Variants in NRF1 observed in about 807,000 individuals in gnomAD.
NRF1 encodes the protein alpha palindromic-binding protein.
NRF1 carries 5 observed loss-of-function variants against 58.5 expected under a neutral mutation model. The observed-to-expected ratio is 0.09, with a 90% CI of 0.04 to 0.18. The LOEUF (loss-of-function observed/expected upper bound fraction) is 0.18. Among genes scored for constraint, NRF1 ranks in the 10% least tolerant of loss-of-function variants. The pLI, the probability that NRF1 is intolerant of heterozygous loss-of-function variation, is 1.00. For missense variants in NRF1, 288 were observed against 657.7 expected (o/e 0.44, Z 6.15); for synonymous variants, 224 against 246.7 (o/e 0.91, Z 0.86).
chr7:129,678,641 A>G (rs1161867018), intron 4 of NRF1, among the ~76,000 whole-genome samples: 1 of 152,188 alleles, frequency 6.6e-6, no homozygotes, highest in Non-Finnish European at 1.5e-5. Flanking sequence ...TTAGAAGAAT[A>G]TAGTAGAAGG....
chr7:129,680,505 C>T (rs1449388041), intron 4 of NRF1, among the ~76,000 whole-genome samples: 1 of 152,128 alleles, frequency 6.6e-6, no homozygotes, highest in Non-Finnish European at 1.5e-5. Flanking sequence ...GTGTTTATAG[C>T]AGCATTATTT....
chr7:129,750,390 C>G (rs568546621), intron 10 of NRF1, among the ~76,000 whole-genome samples: 1 of 152,250 alleles, frequency 6.6e-6, no homozygotes, highest in Non-Finnish European at 1.5e-5. Context: ...GCCCCTCCCC[C>G]TTTCCCTTGC....
At chr7:129,726,513 T>A (rs995574669) in intron 9 of NRF1, among the ~76,000 whole-genome samples, 1 of 152,132 alleles carries the variant, frequency 6.6e-6, no homozygotes, top group African/African-American at 2.4e-5. Flanking sequence ...TACAGAGCAT[T>A]TGTGCTATGT....
rs561063924 is a variant in NRF1, at chr7:129,730,318, C to T, written c.1348+2953C>T. ...GGGATTATAGGCATGAGCCACCACA[C>T]CCTGTCCAGGCCAAGTTTTTTTAAT... On this transcript the variant is annotated intron_variant, in intron 10 of 10. Transcript: ENST00000393232. Among the ~76,000 whole-genome samples, 55 of 152,250 alleles carry T rather than the reference C, an allele frequency of 3.6e-4. 1 individual carries two copies. Among genetic ancestry groups the T allele is most frequent in the Admixed American group, 1.4e-3 (21 of 15,294 alleles).
At chr7:129,649,780 G>T (rs1355418217) in intron 1 of NRF1, among the ~76,000 whole-genome samples, 1 of 152,050 alleles carries the variant, frequency 6.6e-6, no homozygotes, top group Non-Finnish European at 1.5e-5. Flanking sequence ...AAGAGAGAGG[G>T]TCTCACTCTG....
At position 129,677,754 on chromosome 7, in the gene NRF1, A is replaced by ACC; in HGVS notation, c.461_462insCC (p.Val155LeufsTer9). On this transcript the variant is annotated frameshift_variant, in exon 4 of 11. Coordinates refer to ENST00000393232, the MANE Select transcript of NRF1 (RefSeq NM_005011.5). LOFTEE classifies it high-confidence loss of function. The stretch of plus-strand genomic sequence containing the variant: ...GTGTTTGGTGCAGCACCTTTGGAGA[A>ACC]TGTGGTAAGTCAGAACCAAGCTGTT... 6.2e-7 allele frequency: 1 copy of ACC among 1,613,740 alleles called. No homozygotes were observed. The highest frequency in any genetic ancestry group is 1.1e-5 in the South Asian group (1 of 90,978).
intron 1 of NRF1, among the ~76,000 whole-genome samples, chr7:129,619,965 G>A (rs1800755893): frequency 6.6e-6 from 1 of 152,020 alleles, no homozygotes; most frequent in South Asian, 2.1e-4. Flanking sequence ...AAAGTTATGT[G>A]TGAGTGCATG....
In NRF1 at chr7:129,656,476, T is replaced by C. The variant is rs2001770; in HGVS notation, c.-6-870T>C. ...GGTGGGGGGGAGTGGAGATTATAAG[T>C]GTAATAGAAGAGCCAACTTTTAACC... On this transcript the variant is annotated intron_variant, in intron 1 of 10. Transcript: ENST00000393232. Among the ~76,000 whole-genome samples, 12 of 151,986 alleles carry C rather than the reference T, an allele frequency of 7.9e-5. No homozygotes were observed. In the South Asian group the frequency reaches 2.5e-3, roughly 32 times the overall value.
intron 2 of NRF1, among the ~76,000 whole-genome samples, 193 bp downstream of exon 2, chr7:129,657,767 A>G (rs1801692283): frequency 6.6e-6 from 1 of 152,016 alleles, no homozygotes; most frequent in Non-Finnish European, 1.5e-5. Flanking sequence ...GTACCACCAC[A>G]TCTGGCTAAT....
rs1403815938 is a variant in NRF1, at chr7:129,711,396, A to G, written c.964-79A>G. ...TGTTATCTGTGCTGAATTTGGGATT[A>G]AATGAGTCTCAGCTTCTGAGTAAAG... On this transcript the variant is annotated intron_variant, in intron 7 of 10. Coordinates refer to ENST00000393232, the MANE Select transcript of NRF1 (RefSeq NM_005011.5). 6.7e-6 allele frequency: 7 copies of G among 1,037,998 alleles called. No individual in the cohort carries two copies. The East Asian group carries it at 1.8e-4, about 27-fold the overall frequency. 64.3% of individuals were successfully genotyped at this position (1,037,998 alleles called of 1,614,324 possible). A position where few individuals can be genotyped will look rare whatever the true frequency, so the allele number is the denominator to read the frequency against.
intron 5 of NRF1, 30 bp from the exon 6 acceptor site, chr7:129,709,045 A>G (rs368590354): frequency 7.1e-7 from 1 of 1,417,386 alleles, no homozygotes; most frequent in South Asian, 1.7e-5. Flanking sequence ...GTCTTTCATG[A>G]GTATTGATGA....
At chr7:129,699,739 A>AG (rs925142617) in intron 5 of NRF1, among the ~76,000 whole-genome samples, 7 of 151,782 alleles carry the variant, frequency 4.6e-5, no homozygotes, top group Admixed American at 1.3e-4. Flanking sequence ...TCAAAAAAAA[A>AG]GAAAAAAAAA....
intron 1 of NRF1, among the ~76,000 whole-genome samples, chr7:129,640,217 T>C (rs1259816590): frequency 6.6e-6 from 1 of 152,076 alleles, no homozygotes; most frequent in Non-Finnish European, 1.5e-5. Flanking sequence ...CACATACCGT[T>C]TTATAATACA....
chr7:129,631,258 G>C (rs1801042240), intron 1 of NRF1, among the ~76,000 whole-genome samples: 2 of 150,958 alleles, frequency 1.3e-5, no homozygotes, highest in Non-Finnish European at 3.0e-5. Flanking sequence ...TTTTGAGACA[G>C]GGTCTTGATT....
At chr7:129,706,433 G>A (rs142617397) in intron 5 of NRF1, among the ~76,000 whole-genome samples, 1 of 152,332 alleles carries the variant, frequency 6.6e-6, no homozygotes, top group East Asian at 1.9e-4. Flanking sequence ...CGGAGAAGAA[G>A]GGATAGACAC....
intron 4 of NRF1, among the ~76,000 whole-genome samples, chr7:129,686,705 T>C (rs968270814): frequency 1.3e-5 from 2 of 152,250 alleles, no homozygotes; most frequent in African/African-American, 4.8e-5. Context: ...CAAATGGCAG[T>C]GGTATACAAG....
chr7:129,684,954 G>C lies in NRF1; in HGVS notation c.466-5452G>C, dbSNP rs565354011. ...ACAAAGGAGGCAGACACTGGGGCTG[G>C]AGAGACAATAGGATGAAGTCAACAT... is the stretch of plus-strand genomic sequence containing the variant. On this transcript the variant is annotated intron_variant, in intron 4 of 10. Transcript: ENST00000393232. Among the ~76,000 whole-genome samples, 11 of 152,284 alleles carry C rather than the reference G, an allele frequency of 7.2e-5. No individual in the cohort carries two copies. The South Asian group carries it at 2.1e-3, about 29-fold the overall frequency.
rs753791898 is a variant in NRF1, at chr7:129,657,549, G to A, written c.198G>A (p.Glu66=). 1 of 1,613,014 alleles carries A rather than the reference G, an allele frequency of 6.2e-7. No homozygotes were observed. Among genetic ancestry groups the A allele is most frequent in the Non-Finnish European group, 8.5e-7 (1 of 1,179,314 alleles). ...SDILNSTAAD[E]VTAHLAAAGP... Reference sequence around the variant, plus strand: ...TACTCAACTCCACAGCAGCTGATGAGGTGACAGCTCATCTGGCAGCTGCAG... The same window carrying A: ...TACTCAACTCCACAGCAGCTGATGAAGTGACAGCTCATCTGGCAGCTGCAG... Residue 66 remains glutamate, a synonymous_variant, in exon 2 of 11, where the codon GAG becomes GAA. Transcript: ENST00000393232.
At chr7:129,744,350 C>CTCGG in intron 10 of NRF1, 1 of 700,574 alleles carries the variant, frequency 1.4e-6, no homozygotes. Context: ...GTCCCCCTCA[C>CTCGG]TCGGTCACCT....
Sources: allele counts gnomAD v4.1 joint callset (sites outside exome capture counted in the v4.1 genomes callset), GRCh38; gene constraint gnomAD v4.1.1; transcripts MANE v1.5; gene names NCBI Gene and HGNC (gene_info 2026-07-23, HGNC 2026-07-21).